KCND3: variants seen among roughly 807,000 people sequenced by gnomAD.
KCND3 encodes the protein potassium voltage-gated channel subfamily D member 3, also known as A-type voltage-gated potassium channel KCND3.
In KCND3, 9 loss-of-function variants were observed where a neutral mutation model predicts 51.1. The ratio of observed to expected loss-of-function variants is 0.18; its 90% CI spans 0.11 to 0.31. The LOEUF is 0.31. KCND3 is among the 10% of genes least tolerant of loss of function. The pLI, the probability that KCND3 is intolerant of heterozygous loss-of-function variation, is 1.00. For missense variants in KCND3, 526 were observed against 903.8 expected, an observed-to-expected ratio of 0.58 and a Z score of 5.36; for synonymous variants, 349 against 368.0, an observed-to-expected ratio of 0.95 and a Z score of 0.59.
At chr1:111,950,709 G>A (rs552893609) in intron 2 of KCND3, among the ~76,000 whole-genome samples, 11 of 152,304 alleles carry the variant, frequency 7.2e-5, no homozygotes, top group South Asian at 4.1e-4. Context: ...TCAGGGCACC[G>A]TCTAAGGAAG....
chr1:111,982,852 T>TA lies in KCND3; in HGVS notation c.-72-55dup. On this transcript the variant is annotated intron_variant, in intron 1 of 7. Coordinates refer to ENST00000302127, the MANE Select transcript of KCND3 (RefSeq NM_001378969.1). The surrounding 1 kb of genome is among the most constrained non-coding windows in gnomAD (Gnocchi z 8.5). ...CGGTGAGTCCATATCGACTGGCAGG[T>TA]AAGAAATGGGACACAGGAAAGGATC... 7.6e-7 allele frequency: 1 copy of TA among 1,316,752 alleles called. No homozygotes were observed. Among genetic ancestry groups the TA allele is most frequent in the Non-Finnish European group, 1.1e-6 (1 of 952,028 alleles). The allele number at this position is 1,316,752 out of a possible 1,614,324, so 81.6% of individuals were successfully genotyped here.
At chr1:111,958,085 C>A (rs890796573) in intron 2 of KCND3, among the ~76,000 whole-genome samples, 22 of 152,258 alleles carry the variant, frequency 1.4e-4, no homozygotes, top group Admixed American at 1.3e-3. Context: ...TGACCCTGAG[C>A]CCTAGGGACC....
intron 2 of KCND3, among the ~76,000 whole-genome samples, chr1:111,855,764 G>A (rs961358967): frequency 4.6e-5 from 7 of 152,170 alleles, no homozygotes; most frequent in Admixed American, 1.3e-4. Flanking sequence ...TTATAAAGGG[G>A]CTGCCTACAG....
intron 2 of KCND3, among the ~76,000 whole-genome samples, chr1:111,923,955 G>C (rs1159696157): frequency 6.6e-6 from 1 of 152,194 alleles, no homozygotes; most frequent in Non-Finnish European, 1.5e-5. Flanking sequence ...CTGGACAAAT[G>C]ACATGGCTTA....
Position 111,982,216 on chromosome 1 carries a change from G to T in KCND3, c.511C>A (p.Arg171=), listed in dbSNP as rs1477970927. ...CTGGTGTGGGGGTTCTCGAAGGCCC[G>T]CCACATGGTCTGGCGGAAGCTGAGC... The part of the protein sequence containing the change: ...PSLSFRQTMW[R]AFENPHTSTL... Residue 171 remains arginine (R), a synonymous_variant, in exon 2 of 8, where the codon CGG becomes AGG. Transcript: ENST00000302127. This position sits in a 1 kb window ranked among gnomAD's most constrained non-coding sequence, Gnocchi z 8.5. The T allele has an allele frequency of 1.5e-5, 24 of 1,614,082 alleles. No individual in the cohort carries two copies. The highest frequency in any genetic ancestry group is 2.0e-5 in the Non-Finnish European group (24 of 1,180,016).
At chr1:111,852,918 C>T (rs1667890495) in intron 2 of KCND3, among the ~76,000 whole-genome samples, 1 of 152,216 alleles carries the variant, frequency 6.6e-6, no homozygotes, top group African/African-American at 2.4e-5. Flanking sequence ...AGCACCCTTT[C>T]CCTCCCCAAG....
At chr1:111,862,725 G>A (rs1668392787) in intron 2 of KCND3, among the ~76,000 whole-genome samples, 1 of 152,196 alleles carries the variant, frequency 6.6e-6, no homozygotes, top group African/African-American at 2.4e-5. Flanking sequence ...TGTAGAGTAG[G>A]GACAATAACA....
chr1:111,847,866 C>A (rs896165123), intron 2 of KCND3, among the ~76,000 whole-genome samples: 1 of 152,104 alleles, frequency 6.6e-6, no homozygotes, highest in Non-Finnish European at 1.5e-5. Flanking sequence ...AGGAAAAGTT[C>A]GACAGGGAGA....
chr1:111,807,260 A>C (rs532275116), intron 2 of KCND3, among the ~76,000 whole-genome samples: 1 of 152,278 alleles, frequency 6.6e-6, no homozygotes, highest in Non-Finnish European at 1.5e-5. Flanking sequence ...GATGAACTGC[A>C]TATATGATGG....
intron 2 of KCND3, among the ~76,000 whole-genome samples, chr1:111,897,992 A>T (rs1030901967): frequency 4.6e-5 from 7 of 152,158 alleles, no homozygotes; most frequent in Non-Finnish European, 8.8e-5. Flanking sequence ...CTCCCTCTCC[A>T]GCCTCATTGG....
intron 2 of KCND3, among the ~76,000 whole-genome samples, chr1:111,906,207 A>G (rs998906127): frequency 6.6e-5 from 10 of 152,192 alleles, no homozygotes; most frequent in Admixed American, 6.5e-4. Flanking sequence ...GAAGGTAGAG[A>G]TAGACACATA....
intron 2 of KCND3, among the ~76,000 whole-genome samples, chr1:111,857,776 C>T (rs1466520770): frequency 6.6e-6 from 1 of 151,766 alleles, no homozygotes; most frequent in Non-Finnish European, 1.5e-5. Flanking sequence ...CTAAAGAGCC[C>T]CCTCCTTGAC....
chr1:111,904,095 GT>G (rs11327926), intron 2 of KCND3, among the ~76,000 whole-genome samples: 99,770 of 128,002 alleles, frequency 0.78, 37,899 homozygotes, highest in East Asian at 0.93. Flanking sequence ...TTGGTTTTTT[GT>G]TTTTTTTTTT....
chr1:111,805,489 C>T (rs1665523741), intron 2 of KCND3, among the ~76,000 whole-genome samples: 1 of 152,236 alleles, frequency 6.6e-6, no homozygotes, highest in African/African-American at 2.4e-5. Context: ...CACAGTCAGA[C>T]TGACACATAC....
At chr1:111,900,466 G>A (rs925656871) in intron 2 of KCND3, among the ~76,000 whole-genome samples, 1 of 152,216 alleles carries the variant, frequency 6.6e-6, no homozygotes, top group South Asian at 2.1e-4. Context: ...AGTTTGCAGA[G>A]GGGCAGCACT....
intron 2 of KCND3, among the ~76,000 whole-genome samples, chr1:111,977,802 T>C (rs1674722452): frequency 6.6e-6 from 1 of 152,244 alleles, no homozygotes. Context: ...GAAATCTGCT[T>C]TGAGAGAGTT....
At chr1:111,923,763 C>T (rs1671578985) in intron 2 of KCND3, among the ~76,000 whole-genome samples, 1 of 152,218 alleles carries the variant, frequency 6.6e-6, no homozygotes, top group African/African-American at 2.4e-5. Context: ...AGCAGAGGTG[C>T]AGCGCAGGGG....
intron 2 of KCND3, among the ~76,000 whole-genome samples, chr1:111,826,900 C>T (rs982994331): frequency 1.3e-5 from 2 of 152,144 alleles, no homozygotes; most frequent in African/African-American, 4.8e-5. Flanking sequence ...TTGAGTATCC[C>T]TTATCCAAAA....
At chr1:111,836,853 G>A (rs1281642663) in intron 2 of KCND3, among the ~76,000 whole-genome samples, 1 of 152,172 alleles carries the variant, frequency 6.6e-6, no homozygotes, top group Non-Finnish European at 1.5e-5. Flanking sequence ...TTCTCTATGA[G>A]TTCAGGATTC....
Sources: gnomAD v4.1 joint callset for allele counts (sites outside exome capture counted in the v4.1 genomes callset) on GRCh38, gnomAD v4.1.1 for gene constraint, Gnocchi (gnomAD v3.1) non-coding constraint, MANE v1.5 for transcripts, NCBI Gene and HGNC (gene_info 2026-07-23, HGNC 2026-07-21) for gene names.